Variants in EIF4EBP1 observed in about 807,000 individuals in gnomAD.
EIF4EBP1 encodes the protein eukaryotic translation initiation factor 4E binding protein 1, also known as eukaryotic translation initiation factor 4E-binding protein 1.
EIF4EBP1 carries 5 observed loss-of-function variants against 9.2 expected under a neutral mutation model. The ratio of observed to expected loss-of-function variants is 0.54; its 90% CI spans 0.28 to 1.14. EIF4EBP1 has a LOEUF of 1.14. Among genes scored for constraint, EIF4EBP1 ranks in the 50% most tolerant of loss-of-function variants. EIF4EBP1 has a pLI of 0.09. For missense variants in EIF4EBP1, 139 were observed against 169.6 expected (o/e 0.82, Z 1.00); for synonymous variants, 62 against 67.0 (o/e 0.93, Z 0.36).
At position 38,046,059 on chromosome 8, in the gene EIF4EBP1, C is replaced by T. The variant is rs145384275; in HGVS notation, c.146-11022C>T. Reference sequence around the variant, plus strand: ...CTGGGATTACAGGCGTCTGCCACCACGCCCAGCTAATTTTTGTATGTTTAA... The same window carrying T: ...CTGGGATTACAGGCGTCTGCCACCATGCCCAGCTAATTTTTGTATGTTTAA... On this transcript the variant is annotated intron_variant, in intron 1 of 2. Coordinates refer to ENST00000338825, the MANE Select transcript of EIF4EBP1 (RefSeq NM_004095.4). Among the ~76,000 whole-genome samples the T allele has an allele frequency of 6.7e-3, 1,022 of 152,210 alleles. 15 individuals carry two copies. The highest frequency in any genetic ancestry group is 0.024 in the African/African-American group (983 of 41,544).
intron 1 of EIF4EBP1, among the ~76,000 whole-genome samples, chr8:38,049,957 C>T (rs777168272): frequency 1.1e-4 from 16 of 151,434 alleles, no homozygotes; most frequent in African/African-American, 3.6e-4. Context: ...TGTCCCCAGG[C>T]CCGGAGTGCA....
chr8:38,042,612 CCT>C (rs760976493), intron 1 of EIF4EBP1, among the ~76,000 whole-genome samples: 1 of 152,210 alleles, frequency 6.6e-6, no homozygotes, highest in Non-Finnish European at 1.5e-5. Flanking sequence ...CATGGGCCTT[CCT>C]CTGTCTGCAT....
In EIF4EBP1 at chr8:38,060,090, C is replaced by A; in HGVS notation, c.*155C>A. On this transcript the variant is annotated 3_prime_UTR_variant, in exon 3 of 3. Transcript: ENST00000338825. ...CTTTCTCCCTCACTCAGGGCACCTG[C>A]CCCCTCCTCTTCGTGAACACCAGCA... 2 of 727,510 alleles carry A rather than the reference C, an allele frequency of 2.7e-6. No individual in the cohort carries two copies. The highest frequency in any genetic ancestry group is 2.5e-6 in the Non-Finnish European group (1 of 407,418). 45.1% of individuals were successfully genotyped at this position (727,510 alleles called of 1,614,324 possible). A position where few individuals can be genotyped will look rare whatever the true frequency, so the allele number is the denominator to read the frequency against.
At chr8:38,050,110 C>T (rs543513942) in intron 1 of EIF4EBP1, among the ~76,000 whole-genome samples, 2 of 152,092 alleles carry the variant, frequency 1.3e-5, no homozygotes, top group African/African-American at 4.8e-5. Flanking sequence ...CGGGGTTTCA[C>T]CATGTTGGCC....
chr8:38,035,462 C>T (rs954959523), intron 1 of EIF4EBP1, among the ~76,000 whole-genome samples: 2 of 152,146 alleles, frequency 1.3e-5, no homozygotes, highest in Non-Finnish European at 2.9e-5. Flanking sequence ...AGGTGATCCA[C>T]CCGCCTCAGC....
rs533809638 is a variant in EIF4EBP1, at chr8:38,033,948, G to A, written c.145+3230G>A. Among the ~76,000 whole-genome samples the A allele has an allele frequency of 4.6e-5, 7 of 151,956 alleles. No individual in the cohort carries two copies. The South Asian group carries it at 1.0e-3, about 23-fold the overall frequency. ...TTTTTAGTAGAGACAGGGTTTCACC[G>A]TGTTAGCCAGGATGGTCTCGATCTC... On this transcript the variant is annotated intron_variant, in intron 1 of 2. Coordinates refer to ENST00000338825, the MANE Select transcript of EIF4EBP1 (RefSeq NM_004095.4).
intron 1 of EIF4EBP1, among the ~76,000 whole-genome samples, chr8:38,044,315 G>T (rs998249587): frequency 4.6e-5 from 7 of 152,180 alleles, no homozygotes; most frequent in African/African-American, 1.7e-4. Flanking sequence ...GGCACTGGAG[G>T]GCTATGGGGA....
chr8:38,057,339 A>G (rs1809613286), intron 2 of EIF4EBP1, 79 bp downstream of exon 2: 1 of 1,487,148 alleles, frequency 6.7e-7, no homozygotes, highest in South Asian at 1.3e-5. Context: ...ACTGGGGGCA[A>G]TTCCAGGGAG....
chr8:38,040,772 G>C (rs1433042904), intron 1 of EIF4EBP1, among the ~76,000 whole-genome samples: 3 of 152,180 alleles, frequency 2.0e-5, no homozygotes, highest in Non-Finnish European at 4.4e-5. Flanking sequence ...TAAGGCCTAG[G>C]CTCAGAAGTC....
At chr8:38,046,168 G>A (rs1259968307) in intron 1 of EIF4EBP1, among the ~76,000 whole-genome samples, 1 of 152,204 alleles carries the variant, frequency 6.6e-6, no homozygotes, top group Non-Finnish European at 1.5e-5. Context: ...CTCCCAGTGT[G>A]CTGGGATTAC....
Position 38,030,559 on chromosome 8 carries a change from A to G in EIF4EBP1, c.-15A>G, listed in dbSNP as rs1268927532. ...AGGGCAGCGAGAGGTTCGCGGGTGC[A>G]GCGCACAGGAGACCATGTCCGGGGG... On this transcript the variant is annotated 5_prime_UTR_variant, in exon 1 of 3. Coordinates refer to ENST00000338825, the MANE Select transcript of EIF4EBP1 (RefSeq NM_004095.4). The G allele has an allele frequency of 3.3e-6, 5 of 1,499,568 alleles. No individual in the cohort carries two copies. In the East Asian group the frequency reaches 1.1e-4, roughly 33 times the overall value. The allele number at this position is 1,499,568 out of a possible 1,614,324, so 92.9% of individuals were successfully genotyped here. A position where few individuals can be genotyped will look rare whatever the true frequency, so the allele number is the denominator to read the frequency against.
intron 1 of EIF4EBP1, among the ~76,000 whole-genome samples, chr8:38,033,931 A>G (rs1179179232): frequency 6.6e-6 from 1 of 151,676 alleles, no homozygotes; most frequent in Non-Finnish European, 1.5e-5. Context: ...TGTTTTTAGT[A>G]GAGACAGGGT....
At chr8:38,045,331 A>G (rs1809435822) in intron 1 of EIF4EBP1, among the ~76,000 whole-genome samples, 1 of 152,208 alleles carries the variant, frequency 6.6e-6, no homozygotes, top group Non-Finnish European at 1.5e-5. Flanking sequence ...GATCCTAAAA[A>G]TAAATGGCAC....
intron 1 of EIF4EBP1, among the ~76,000 whole-genome samples, chr8:38,053,861 A>T (rs1438965804): frequency 6.6e-6 from 1 of 152,134 alleles, no homozygotes; most frequent in Non-Finnish European, 1.5e-5. Context: ...AAATTCAGAG[A>T]GACAGAAAGT....
intron 1 of EIF4EBP1, among the ~76,000 whole-genome samples, chr8:38,044,324 G>A (rs1220239336): frequency 6.6e-6 from 1 of 152,192 alleles, no homozygotes; most frequent in Non-Finnish European, 1.5e-5. Flanking sequence ...GGGCTATGGG[G>A]AAGCGCTCAA....
At chr8:38,030,934 C>T (rs1809208557) in intron 1 of EIF4EBP1, among the ~76,000 whole-genome samples, 1 of 152,194 alleles carries the variant, frequency 6.6e-6, no homozygotes, top group Non-Finnish European at 1.5e-5. Context: ...CGTTTGTTTC[C>T]TCTTTCTGTT....
chr8:38,030,692 G>A lies in EIF4EBP1; in HGVS notation c.119G>A (p.Gly40Asp). Residue 40 changes from glycine (G) to aspartate (D), a missense_variant, in exon 1 of 3, where the codon GGC (glycine) becomes GAC (aspartate). Gly to Asp is a moderately conservative substitution (Grantham distance 94). Transcript: ENST00000338825. ...PPGDYSTTPG[G>D]TLFSTTPGGT... ...GGGGACTACAGCACGACCCCCGGCGGCACGCTCTTCAGCACCACCCCGGGA... is the reference window on the plus strand; with the variant it reads ...GGGGACTACAGCACGACCCCCGGCGACACGCTCTTCAGCACCACCCCGGGA... The A allele has an allele frequency of 1.4e-6, 2 of 1,476,448 alleles. No homozygotes were observed. The highest frequency in any genetic ancestry group is 2.3e-5 in the Admixed American group (1 of 44,402). 91.5% of individuals were successfully genotyped at this position (1,476,448 alleles called of 1,614,324 possible). A position where few individuals can be genotyped will look rare whatever the true frequency, so the allele number is the denominator to read the frequency against.
chr8:38,055,413 A>G (rs1197933826), intron 1 of EIF4EBP1, among the ~76,000 whole-genome samples: 1 of 152,198 alleles, frequency 6.6e-6, no homozygotes, highest in African/African-American at 2.4e-5. Context: ...TAAGTGAAGG[A>G]GAGATTTCAA....
chr8:38,048,021 C>CA (rs1487333591), intron 1 of EIF4EBP1, among the ~76,000 whole-genome samples: 1 of 151,956 alleles, frequency 6.6e-6, no homozygotes, highest in African/African-American at 2.4e-5. Context: ...AAACAAAAAA[C>CA]AAAAACAGGC....
Sources: allele counts gnomAD v4.1 joint callset (sites outside exome capture counted in the v4.1 genomes callset), GRCh38; gene constraint gnomAD v4.1.1; transcripts MANE v1.5; gene names NCBI Gene and HGNC (gene_info 2026-07-23, HGNC 2026-07-21).